Variants in NSL1 observed in about 807,000 individuals in gnomAD.
The protein encoded by NSL1 is NSL1 component of MIS12 kinetochore complex.
NSL1 carries 11 observed loss-of-function variants against 25.4 expected under a neutral mutation model. That is an observed-to-expected ratio of 0.43 (90% CI 0.27 to 0.72). The LOEUF (loss-of-function observed/expected upper bound fraction) is 0.72, where lower values mean the gene tolerates loss of function less well. Ranked by LOEUF, NSL1 falls within the 30% of genes least tolerant of loss-of-function variation. NSL1 has a pLI of 0.19. For missense variants in NSL1, 330 were observed against 342.7 expected, an observed-to-expected ratio of 0.96 and a Z score of 0.29; for synonymous variants, 118 against 120.6, an observed-to-expected ratio of 0.98 and a Z score of 0.14.
At chr1:212,757,003 G>T in intron 4 of NSL1, among the ~76,000 whole-genome samples, 1 of 152,216 alleles carries the variant, frequency 6.6e-6, no homozygotes, top group East Asian at 1.9e-4. Context: ...AGTCATAAGA[G>T]AATCTGACAC....
chr1:212,790,855 G>A (rs530976498), intron 1 of NSL1, among the ~76,000 whole-genome samples: 1 of 151,830 alleles, frequency 6.6e-6, no homozygotes, highest in East Asian at 1.9e-4. Flanking sequence ...CCCAGGAGGC[G>A]GAGCTTGCAG....
At position 212,735,409 on chromosome 1, in the gene NSL1, GA is replaced by G; in HGVS notation, c.*2998del. ...CAGAAATCAAACAAATTCAGCCTTA[GA>G]AAAGAAAAAGTACATCTTACAAGAT... On this transcript the variant is annotated 3_prime_UTR_variant, in exon 6 of 6. Coordinates refer to ENST00000366977, the MANE Select transcript of NSL1 (RefSeq NM_015471.4). 4 of 985,314 alleles carry G rather than the reference GA, an allele frequency of 4.1e-6. No individual in the cohort carries two copies. The highest frequency in any genetic ancestry group is 3.6e-6 in the Non-Finnish European group (3 of 829,882). The allele number at this position is 985,314 out of a possible 1,614,324, so 61.0% of individuals were successfully genotyped here.
Position 212,732,634 on chromosome 1 carries a change from TCTG to T in NSL1, c.*5771_*5773del. ...CAACCTGGTCTGCCTAGTCTCCAAATCTGCTGATTAGTTAGTAGCCTGTAGACT... is the reference window on the plus strand; with the variant it reads ...CAACCTGGTCTGCCTAGTCTCCAAATCTGATTAGTTAGTAGCCTGTAGACT... On this transcript the variant is annotated 3_prime_UTR_variant, in exon 6 of 6. Coordinates refer to ENST00000366977, the MANE Select transcript of NSL1 (RefSeq NM_015471.4). The T allele has an allele frequency of 1.0e-6, 1 of 985,388 alleles. No homozygotes were observed. The highest frequency in any genetic ancestry group is 1.2e-6 in the Non-Finnish European group (1 of 829,916). 61.0% of individuals were successfully genotyped at this position (985,388 alleles called of 1,614,324 possible).
At position 212,784,402 on chromosome 1, in the gene NSL1, T is replaced by C; in HGVS notation, c.405A>G (p.Glu135=). 1 of 1,597,502 alleles carries C rather than the reference T, an allele frequency of 6.3e-7. No individual in the cohort carries two copies. The highest frequency in any genetic ancestry group is 1.1e-5 in the South Asian group (1 of 88,150). ...KRKQYPRKIL[E]CVIKTIKAKQ... is the part of the protein sequence containing the mutation. ...TTGCTTTTATGGTTTTGATGACACA[T>C]TCCAGGATCTTTCTGGGATACTGCT... Residue 135 remains glutamate, a synonymous_variant, in exon 3 of 6, where the codon GAA becomes GAG. Transcript: ENST00000366977.
rs1657927342 is a variant in NSL1, at chr1:212,729,646, T to C, written c.*8762A>G. On this transcript the variant is annotated 3_prime_UTR_variant, in exon 6 of 6. Transcript: ENST00000366977. ...ACAGAATATGACAAGTCAGAGAGAA[T>C]TCGAACACTTATTTTAACCTTTTCA... 2.0e-6 allele frequency: 2 copies of C among 985,356 alleles called. No homozygotes were observed. Among genetic ancestry groups the C allele is most frequent in the South Asian group, 9.4e-5 (2 of 21,284 alleles). The allele number at this position is 985,356 out of a possible 1,614,324, so 61.0% of individuals were successfully genotyped here. A position where few individuals can be genotyped will look rare whatever the true frequency, so the allele number is the denominator to read the frequency against.
chr1:212,749,757 A>G (rs1279885074), intron 4 of NSL1, among the ~76,000 whole-genome samples: 1 of 152,018 alleles, frequency 6.6e-6, no homozygotes, highest in Non-Finnish European at 1.5e-5. Context: ...TTGCTGAACA[A>G]CAGCTGTTTT....
chr1:212,732,068 TTTA>T lies in NSL1; in HGVS notation c.*6337_*6339del, dbSNP rs10578541. On this transcript the variant is annotated 3_prime_UTR_variant, in exon 6 of 6. Transcript: ENST00000366977. The stretch of plus-strand genomic sequence containing the variant: ...TTTTACTGAATTCAGATTCAGGGTT[TTTA>T]TTATTATGGCTATATAAATATTGTT... 469,024 of 978,250 alleles carry T rather than the reference TTTA, an allele frequency of 0.48. 116,166 individuals are homozygous for T. Among genetic ancestry groups the T allele is most frequent in the Non-Finnish European group, 0.5 (416,082 of 825,006 alleles). The allele number at this position is 978,250 out of a possible 1,614,324, so 60.6% of individuals were successfully genotyped here.
At chr1:212,764,793 C>T (rs1158071755) in intron 4 of NSL1, among the ~76,000 whole-genome samples, 1 of 126,916 alleles carries the variant, frequency 7.9e-6, no homozygotes, top group Non-Finnish European at 1.6e-5. Context: ...TTGCAGTGAG[C>T]CAAGATCACA....
At chr1:212,771,620 A>AAAC (rs1660118385) in intron 4 of NSL1, among the ~76,000 whole-genome samples, 2 of 151,394 alleles carry the variant, frequency 1.3e-5, no homozygotes, top group Non-Finnish European at 3.0e-5. Context: ...CCAAAAAAAA[A>AAAC]AAAAAAAAAA....
rs1658316012 is a variant in NSL1 at position 212,738,171 on chromosome 1, C to T, written c.*237G>A. 8.2e-7 allele frequency: 1 copy of T among 1,216,250 alleles called. No homozygotes were observed. Among genetic ancestry groups the T allele is most frequent in the South Asian group, 2.9e-5 (1 of 34,192 alleles). The allele number at this position is 1,216,250 out of a possible 1,614,324, so 75.3% of individuals were successfully genotyped here. A position where few individuals can be genotyped will look rare whatever the true frequency, so the allele number is the denominator to read the frequency against. ...CTGCACTTTTAATATTTTTAATGCC[C>T]ACTGATGGGCTTTGTGTCAATACTT... is the stretch of plus-strand genomic sequence containing the variant. On this transcript the variant is annotated 3_prime_UTR_variant, in exon 6 of 6. Coordinates refer to ENST00000366977, the MANE Select transcript of NSL1 (RefSeq NM_015471.4).
In NSL1 at chr1:212,734,360, C is replaced by T. The variant is rs781409725; in HGVS notation, c.*4048G>A. ...TTGGGTCTGTCTTTGATGCTGGAGA[C>T]GCTCCTCAAATATTTGGTGAATCAG... On this transcript the variant is annotated 3_prime_UTR_variant, in exon 6 of 6. Coordinates refer to ENST00000366977, the MANE Select transcript of NSL1 (RefSeq NM_015471.4). Among the ~76,000 whole-genome samples, 3 of 152,092 alleles carry T rather than the reference C, an allele frequency of 2.0e-5. No homozygotes were observed. The highest frequency in any genetic ancestry group is 1.9e-4 in the East Asian group (1 of 5,198).
rs757019892 is a variant in NSL1 at position 212,727,128 on chromosome 1, G to A, written c.*11280C>T. ...GAGGCAGAAGGGATGAAGGTTCCCC[G>A]ATCCCCTTCTCTCCTAAACTGCCCC... On this transcript the variant is annotated 3_prime_UTR_variant, in exon 6 of 6. Transcript: ENST00000366977. 2.5e-6 allele frequency: 4 copies of A among 1,571,050 alleles called. No individual in the cohort carries two copies. Among genetic ancestry groups the A allele is most frequent in the East Asian group, 2.3e-5 (1 of 42,582 alleles).
intron 4 of NSL1, among the ~76,000 whole-genome samples, chr1:212,741,302 A>G (rs765429280): frequency 1.3e-5 from 2 of 152,214 alleles, no homozygotes; most frequent in Non-Finnish European, 2.9e-5. Flanking sequence ...ACACCTGTGT[A>G]GGAGCTATCT....
Position 212,735,339 on chromosome 1 carries a change from A to G in NSL1, c.*3069T>C, listed in dbSNP as rs372140282. 1.1e-5 allele frequency: 11 copies of G among 985,476 alleles called. No homozygotes were observed. The South Asian group carries it at 3.8e-4, about 34-fold the overall frequency. 61.0% of individuals were successfully genotyped at this position (985,476 alleles called of 1,614,324 possible). ...AGGTGTCCAACTGTATGTGTTGAAC[A>G]GATGAATAAATGAATGAAGGTGGAT... On this transcript the variant is annotated 3_prime_UTR_variant, in exon 6 of 6. Coordinates refer to ENST00000366977, the MANE Select transcript of NSL1 (RefSeq NM_015471.4).
Position 212,727,513 on chromosome 1 carries a change from T to C in NSL1, c.*10895A>G, listed in dbSNP as rs1657837557. On this transcript the variant is annotated 3_prime_UTR_variant, in exon 6 of 6. Transcript: ENST00000366977. ...CCTTTTGCAATTTAGGTTAATATCA[T>C]AACTATACCACTGGAGAGAAAGGAC... The C allele has an allele frequency of 1.0e-6, 1 of 985,414 alleles. No homozygotes were observed. The highest frequency in any genetic ancestry group is 1.2e-6 in the Non-Finnish European group (1 of 829,904). The allele number at this position is 985,414 out of a possible 1,614,324, so 61.0% of individuals were successfully genotyped here. A position where few individuals can be genotyped will look rare whatever the true frequency, so the allele number is the denominator to read the frequency against.
intron 4 of NSL1, among the ~76,000 whole-genome samples, chr1:212,745,711 C>G (rs1658759461): frequency 6.6e-6 from 1 of 152,064 alleles, no homozygotes; most frequent in African/African-American, 2.4e-5. Context: ...GCCTATAATC[C>G]CAGCACTTTG....
chr1:212,759,804 A>G (rs1283734636), intron 4 of NSL1, among the ~76,000 whole-genome samples: 3 of 152,102 alleles, frequency 2.0e-5, no homozygotes, highest in Non-Finnish European at 4.4e-5. Flanking sequence ...TAGCCTACAC[A>G]GTGTCCTACA....
chr1:212,780,555 A>G (rs1161708178), intron 4 of NSL1, among the ~76,000 whole-genome samples: 4 of 151,516 alleles, frequency 2.6e-5, no homozygotes, highest in East Asian at 3.9e-4. Flanking sequence ...GACATTTTAT[A>G]TCACTTAATA....
rs868466541 is a variant in NSL1 at position 212,791,537 on chromosome 1, G to A, written c.227C>T (p.Ala76Val). The change falls in exon 1 of 6, where the codon GCG (alanine) becomes GTG (valine). Residue 76 changes from alanine to valine, a missense_variant. Coordinates refer to ENST00000366977, the MANE Select transcript of NSL1 (RefSeq NM_015471.4). The stretch of plus-strand genomic sequence containing the variant: ...GGCTAACTGGTCCCGTACCCACTGC[G>A]CATCTCGCAGAGCGGGCTCCCGAAT... The part of the protein sequence containing the change: ...EEIREPALRD[A>V]QWTFESAVQE... 2 of 1,613,122 alleles carry A rather than the reference G, an allele frequency of 1.2e-6. No individual in the cohort carries two copies. Among genetic ancestry groups the A allele is most frequent in the Non-Finnish European group, 8.5e-7 (1 of 1,179,650 alleles).
Sources: allele counts gnomAD v4.1 joint callset (sites outside exome capture counted in the v4.1 genomes callset), GRCh38; gene constraint gnomAD v4.1.1; transcripts MANE v1.5; gene names NCBI Gene and HGNC (gene_info 2026-07-23, HGNC 2026-07-21).